The following CRPPA variants were observed in gnomAD, a reference collection of about 807,000 sequenced individuals.
The protein encoded by CRPPA is D-ribitol-5-phosphate cytidylyltransferase.
A neutral mutation model predicts 52.0 loss-of-function variants in CRPPA; 43 were observed. The observed-to-expected ratio is 0.83, with a 90% confidence interval of 0.65 to 1.07. The LOEUF is 1.07. Ranked by LOEUF, CRPPA falls within the 50% of genes least tolerant of loss-of-function variation. The pLI is 0.00. For synonymous variants in CRPPA, 250 were observed against 203.5 expected (o/e 1.23, Z -1.94); for missense variants, 629 against 551.7 (o/e 1.14, Z -1.40).
intron 9 of CRPPA, among the ~76,000 whole-genome samples, chr7:16,149,370 C>T (rs1300782424): frequency 6.6e-6 from 1 of 152,152 alleles, no homozygotes; most frequent in African/African-American, 2.4e-5. Flanking sequence ...GAAAGACAGA[C>T]CAATTCCATG....
At chr7:16,294,124 T>C (rs1235210261) in intron 5 of CRPPA, among the ~76,000 whole-genome samples, 1 of 151,904 alleles carries the variant, frequency 6.6e-6, no homozygotes, top group African/African-American at 2.4e-5. Context: ...TCTAAGTTAG[T>C]TGAGAGAAAA....
At chr7:16,165,119 A>T (rs1487462218) in intron 9 of CRPPA, among the ~76,000 whole-genome samples, 1 of 151,962 alleles carries the variant, frequency 6.6e-6, no homozygotes, top group Non-Finnish European at 1.5e-5. Context: ...TCCCCCTAAA[A>T]GTCACCTTTC....
intron 2 of CRPPA, among the ~76,000 whole-genome samples, chr7:16,399,682 G>T (rs1056366664): frequency 6.6e-6 from 1 of 152,060 alleles, no homozygotes; most frequent in Non-Finnish European, 1.5e-5. Context: ...CGCATGACCA[G>T]TGACACGTGA....
chr7:16,206,089 T>C (rs1215094007), intron 9 of CRPPA, among the ~76,000 whole-genome samples: 1 of 152,174 alleles, frequency 6.6e-6, no homozygotes, highest in Non-Finnish European at 1.5e-5. Context: ...ATAGGTGTAT[T>C]CTAAAACCAC....
At chr7:16,313,874 G>A (rs1785088415) in intron 3 of CRPPA, among the ~76,000 whole-genome samples, 1 of 151,934 alleles carries the variant, frequency 6.6e-6, no homozygotes, top group African/African-American at 2.4e-5. Flanking sequence ...TAGGCCTTGT[G>A]TTATTTCTGT....
intron 8 of CRPPA, among the ~76,000 whole-genome samples, chr7:16,242,190 G>A (rs973043377): frequency 5.3e-5 from 8 of 151,702 alleles, no homozygotes; most frequent in Non-Finnish European, 8.8e-5. Context: ...TCCTGACCTC[G>A]TGATCTGCCC....
At chr7:16,394,198 C>T (rs1176127742) in intron 2 of CRPPA, among the ~76,000 whole-genome samples, 1 of 151,930 alleles carries the variant, frequency 6.6e-6, no homozygotes, top group Non-Finnish European at 1.5e-5. Context: ...TAATAATATC[C>T]ATACTAGTAA....
At chr7:16,398,387 GTGAC>G (rs1057475562) in intron 2 of CRPPA, among the ~76,000 whole-genome samples, 101 of 43,532 alleles carry the variant, frequency 2.3e-3, no homozygotes, top group Admixed American at 6.4e-3. Context: ...TGATTGACAT[GTGAC>G]TGACACGTGA....
At chr7:16,235,073 C>A (rs189993056) in intron 8 of CRPPA, among the ~76,000 whole-genome samples, 30 of 151,878 alleles carry the variant, frequency 2.0e-4, no homozygotes, top group Admixed American at 1.7e-3. Context: ...TGAGTTTTGT[C>A]CATTAAGAGA....
At position 16,320,737 on chromosome 7, in the gene CRPPA, T is replaced by C. The variant is rs182170793; in HGVS notation, c.685-12110A>G. Among the ~76,000 whole-genome samples, 548 of 152,302 alleles carry C rather than the reference T, an allele frequency of 3.6e-3. 4 individuals are homozygous for C. The highest frequency in any genetic ancestry group is 0.012 in the African/African-American group (515 of 41,570). Reference sequence around the variant, plus strand: ...GTAAACAATGAACACCTGCATCCGATTTATCACCTAAAACTCAAACTTAAG... The same window carrying C: ...GTAAACAATGAACACCTGCATCCGACTTATCACCTAAAACTCAAACTTAAG... On this transcript the variant is annotated intron_variant, in intron 3 of 9. Transcript: ENST00000407010.
At chr7:16,367,009 C>G (rs541773457) in intron 3 of CRPPA, among the ~76,000 whole-genome samples, 1 of 152,266 alleles carries the variant, frequency 6.6e-6, no homozygotes, top group African/African-American at 2.4e-5. Flanking sequence ...TTTGCAAATA[C>G]TTTCACTAAA....
chr7:16,101,758 A>T (rs1461192594), intron 9 of CRPPA, among the ~76,000 whole-genome samples: 1 of 152,206 alleles, frequency 6.6e-6, no homozygotes, highest in Non-Finnish European at 1.5e-5. Context: ...AGGGATGTGA[A>T]ATACCTCTTC....
intron 9 of CRPPA, among the ~76,000 whole-genome samples, chr7:16,157,962 C>A (rs754094639): frequency 2.6e-5 from 4 of 152,050 alleles, no homozygotes; most frequent in African/African-American, 4.8e-5. Flanking sequence ...GCAACCTCCA[C>A]CTCGGGGAAT....
chr7:16,382,720 T>G (rs1787135260), intron 2 of CRPPA, among the ~76,000 whole-genome samples: 1 of 152,050 alleles, frequency 6.6e-6, no homozygotes. Flanking sequence ...TAAACTTCCC[T>G]TCTGGCTTCA....
At chr7:16,174,910 T>C (rs543406860) in intron 9 of CRPPA, among the ~76,000 whole-genome samples, 1 of 152,248 alleles carries the variant, frequency 6.6e-6, no homozygotes, top group South Asian at 2.1e-4. Flanking sequence ...AGAGAAGGGG[T>C]TAAACCACTA....
intron 9 of CRPPA, among the ~76,000 whole-genome samples, chr7:16,158,685 T>C (rs570699295): frequency 6.6e-6 from 1 of 152,342 alleles, no homozygotes; most frequent in East Asian, 1.9e-4. Flanking sequence ...AGTATCTTAA[T>C]GGGTATAAAG....
chr7:16,175,966 A>AT (rs200746749), intron 9 of CRPPA, among the ~76,000 whole-genome samples: 1,870 of 152,256 alleles, frequency 0.012, 45 homozygotes, highest in African/African-American at 0.043. Context: ...GAATATCTAA[A>AT]TGTAGCCTTA....
intron 9 of CRPPA, among the ~76,000 whole-genome samples, chr7:16,151,599 T>A (rs532190792): frequency 4.3e-4 from 66 of 152,146 alleles, no homozygotes; most frequent in African/African-American, 1.1e-3. Context: ...AAGTATATTT[T>A]AAAAAAATAA....
chr7:16,141,666 GCATAAGACAAACT>G lies in CRPPA; in HGVS notation c.1252-49880_1252-49868del, dbSNP rs373103540. Among the ~76,000 whole-genome samples the G allele has an allele frequency of 3.2e-3, 494 of 152,288 alleles. 3 individuals are homozygous for G. Among genetic ancestry groups the G allele is most frequent in the African/African-American group, 0.011 (473 of 41,554 alleles). On this transcript the variant is annotated intron_variant, in intron 9 of 9. Transcript: ENST00000407010. ...TTCTTTAATCACTACATTTGAAACT[GCATAAGACAAACT>G]CAAGCCAAACATCTGTATGAGTGAT...
Sources: gnomAD v4.1 joint callset for allele counts (sites outside exome capture counted in the v4.1 genomes callset) on GRCh38, gnomAD v4.1.1 for gene constraint, MANE v1.5 for transcripts, NCBI Gene and HGNC (gene_info 2026-07-23, HGNC 2026-07-21) for gene names.